Variants in ZNF804B observed in about 807,000 individuals in gnomAD.
ZNF804B encodes zinc finger protein 804B.
In ZNF804B, 80 loss-of-function variants were observed where a neutral mutation model predicts 101.4. The observed-to-expected ratio is 0.79, with a 90% CI of 0.66 to 0.95. The LOEUF is 0.95. Ranked by LOEUF, ZNF804B falls within the 40% of genes least tolerant of loss-of-function variation. The probability of loss-of-function intolerance (pLI) is 0.00; values close to 1 mark genes in which losing one functional copy is unlikely to be tolerated. For synonymous variants in ZNF804B, 622 were observed against 558.8 expected (o/e 1.11, Z -1.59); for missense variants, 1,673 against 1,561.9 (o/e 1.07, Z -1.20).
chr7:89,089,854 T>A (rs978781859), intron 1 of ZNF804B, among the ~76,000 whole-genome samples: 1 of 152,116 alleles, frequency 6.6e-6, no homozygotes, highest in Non-Finnish European at 1.5e-5. Flanking sequence ...TCAATAATTC[T>A]CAGCTACACA....
intron 1 of ZNF804B, among the ~76,000 whole-genome samples, chr7:89,031,082 A>G (rs1262723876): frequency 6.6e-6 from 1 of 152,010 alleles, no homozygotes; most frequent in Non-Finnish European, 1.5e-5. Context: ...TGATGAGTTG[A>G]TGCGTGCAGC....
intron 1 of ZNF804B, among the ~76,000 whole-genome samples, chr7:88,861,722 A>G (rs1034011146): frequency 6.6e-6 from 1 of 152,176 alleles, no homozygotes; most frequent in Non-Finnish European, 1.5e-5. Flanking sequence ...TTACAGTTTC[A>G]GTGTACTTTC....
chr7:88,773,210 G>A (rs148215839), intron 1 of ZNF804B, among the ~76,000 whole-genome samples: 2 of 152,114 alleles, frequency 1.3e-5, no homozygotes, highest in African/African-American at 4.8e-5. Context: ...CTACTGAGTG[G>A]GTAAATTCAA....
chr7:88,896,524 A>C (rs151149718), intron 1 of ZNF804B, among the ~76,000 whole-genome samples: 62 of 152,288 alleles, frequency 4.1e-4, no homozygotes, highest in Non-Finnish European at 8.2e-4. Context: ...GGTGATGTTT[A>C]CATTTTTATT....
At chr7:88,841,518 G>C (rs1039141153) in intron 1 of ZNF804B, among the ~76,000 whole-genome samples, 1 of 152,156 alleles carries the variant, frequency 6.6e-6, no homozygotes, top group African/African-American at 2.4e-5. Flanking sequence ...ACTGGGAGAA[G>C]ACAATGGAAA....
intron 1 of ZNF804B, among the ~76,000 whole-genome samples, chr7:88,950,193 C>A (rs887684324): frequency 6.6e-6 from 1 of 151,864 alleles, no homozygotes; most frequent in African/African-American, 2.4e-5. Context: ...TTGTTATCTG[C>A]AGCAGTAGAA....
At chr7:89,322,001 A>G (rs1790828543) in intron 2 of ZNF804B, among the ~76,000 whole-genome samples, 1 of 152,202 alleles carries the variant, frequency 6.6e-6, no homozygotes, top group Admixed American at 6.5e-5. Flanking sequence ...ATAACAAGAT[A>G]TAGCAATTCT....
At chr7:88,773,235 T>A (rs184482426) in intron 1 of ZNF804B, among the ~76,000 whole-genome samples, 2 of 152,236 alleles carry the variant, frequency 1.3e-5, no homozygotes, top group Admixed American at 1.3e-4. Flanking sequence ...GCACAAGAAA[T>A]TTTCCCCTGA....
At chr7:89,262,929 C>T (rs548522271) in intron 2 of ZNF804B, among the ~76,000 whole-genome samples, 3 of 152,142 alleles carry the variant, frequency 2.0e-5, no homozygotes, top group Non-Finnish European at 4.4e-5. Flanking sequence ...CTGTAAGTGT[C>T]TCTGTCATGG....
intron 1 of ZNF804B, among the ~76,000 whole-genome samples, chr7:89,205,262 A>G (rs1435052926): frequency 2.6e-5 from 4 of 152,144 alleles, no homozygotes; most frequent in Non-Finnish European, 5.9e-5. Context: ...GAGCCAAACT[A>G]TATCATTCTG....
chr7:89,326,364 G>A (rs968887922), intron 2 of ZNF804B, among the ~76,000 whole-genome samples: 5 of 151,992 alleles, frequency 3.3e-5, no homozygotes, highest in Non-Finnish European at 7.4e-5. Flanking sequence ...CTAATGAAAG[G>A]TTTTGGCCCT....
At chr7:89,301,558 G>T (rs1382610258) in intron 2 of ZNF804B, among the ~76,000 whole-genome samples, 1 of 151,730 alleles carries the variant, frequency 6.6e-6, no homozygotes, top group Non-Finnish European at 1.5e-5. Flanking sequence ...CAATGTTTCA[G>T]CTAAAAATAG....
intron 1 of ZNF804B, among the ~76,000 whole-genome samples, chr7:88,847,043 T>C (rs1189760041): frequency 6.6e-6 from 1 of 151,912 alleles, no homozygotes; most frequent in Non-Finnish European, 1.5e-5. Context: ...TGGAAAACAA[T>C]CCTTTGATTT....
chr7:89,035,636 C>A (rs1008275770), intron 1 of ZNF804B, among the ~76,000 whole-genome samples: 1 of 151,648 alleles, frequency 6.6e-6, no homozygotes, highest in Non-Finnish European at 1.5e-5. Context: ...GGAGTAATTT[C>A]TTGATCAATT....
intron 1 of ZNF804B, among the ~76,000 whole-genome samples, chr7:89,185,913 T>A (rs28397085): frequency 6.6e-6 from 1 of 152,002 alleles, no homozygotes. Flanking sequence ...GACACAATTT[T>A]AAAAAGTTAG....
chr7:88,832,692 G>A (rs890051388), intron 1 of ZNF804B, among the ~76,000 whole-genome samples: 1 of 151,784 alleles, frequency 6.6e-6, no homozygotes, highest in Admixed American at 6.6e-5. Flanking sequence ...TTGTTTGGCC[G>A]AAGATGTGTT....
chr7:88,979,187 T>A (rs1793660953), intron 1 of ZNF804B, among the ~76,000 whole-genome samples: 1 of 152,040 alleles, frequency 6.6e-6, no homozygotes, highest in Non-Finnish European at 1.5e-5. Flanking sequence ...TTAGTCTTTC[T>A]ACTCAATATA....
chr7:88,881,505 A>G (rs931414843), intron 1 of ZNF804B, among the ~76,000 whole-genome samples: 8 of 152,090 alleles, frequency 5.3e-5, no homozygotes, highest in African/African-American at 7.2e-5. Context: ...TTTGTGTTCT[A>G]TTTTACTGCT....
At chr7:88,998,711 A>T (rs529695319) in intron 1 of ZNF804B, among the ~76,000 whole-genome samples, 6 of 152,154 alleles carry the variant, frequency 3.9e-5, no homozygotes, top group Admixed American at 3.9e-4. Context: ...TCACAGAAAC[A>T]TAAAATGTTA....
Sources: allele counts gnomAD v4.1 joint callset (sites outside exome capture counted in the v4.1 genomes callset), GRCh38; gene constraint gnomAD v4.1.1; transcripts MANE v1.5; gene names NCBI Gene and HGNC (gene_info 2026-07-23, HGNC 2026-07-21).